The following ATXN7L1 variants were observed in gnomAD, a reference collection of about 807,000 sequenced individuals.
The protein encoded by ATXN7L1 is ataxin-7-like protein 1.
A neutral mutation model predicts 70.8 loss-of-function variants in ATXN7L1; 15 were observed. That is an observed-to-expected ratio of 0.21 (90% confidence interval 0.14 to 0.33). The LOEUF is 0.33. Ranked by LOEUF, ATXN7L1 falls within the 10% of genes least tolerant of loss-of-function variation. The pLI is 1.00. For synonymous variants in ATXN7L1, 440 were observed against 445.1 expected (o/e 0.99, Z 0.14); for missense variants, 975 against 1,097.1 (o/e 0.89, Z 1.57).
intron 3 of ATXN7L1, among the ~76,000 whole-genome samples, chr7:105,768,018 C>A (rs1801507414): frequency 2.0e-5 from 3 of 152,200 alleles, no homozygotes; most frequent in Admixed American, 6.5e-5. Context: ...TTTGAACATT[C>A]CATCGTGATG....
intron 2 of ATXN7L1, among the ~76,000 whole-genome samples, chr7:105,850,462 G>C (rs1012910490): frequency 1.3e-5 from 2 of 152,252 alleles, no homozygotes; most frequent in Admixed American, 1.3e-4. Context: ...TGAGCTAAAT[G>C]CTGTGTGTTC....
intron 6 of ATXN7L1, among the ~76,000 whole-genome samples, chr7:105,638,835 A>G (rs1797743554): frequency 6.6e-6 from 1 of 152,174 alleles, no homozygotes; most frequent in Non-Finnish European, 1.5e-5. Flanking sequence ...CCTCCAAAAA[A>G]TGGCATAGGA....
intron 3 of ATXN7L1, among the ~76,000 whole-genome samples, chr7:105,733,633 CCCATCCATCCAT>C (rs1253569733): frequency 2.6e-5 from 1 of 38,250 alleles, no homozygotes; most frequent in Non-Finnish European, 5.0e-5. Flanking sequence ...CATCCATCCA[CCCATCCATCCAT>C]CCATCCATCC....
intron 6 of ATXN7L1, 72 bp from the exon 7 acceptor site, chr7:105,638,681 T>G: frequency 6.9e-7 from 1 of 1,456,578 alleles, no homozygotes; most frequent in Non-Finnish European, 9.1e-7. Flanking sequence ...GGCCCTCCAT[T>G]TCAGAAATAG....
intron 2 of ATXN7L1, among the ~76,000 whole-genome samples, chr7:105,873,795 C>T (rs541250480): frequency 2.0e-5 from 3 of 152,284 alleles, no homozygotes; most frequent in African/African-American, 4.8e-5. Context: ...CCACCTGTGA[C>T]TTCTGAGGAA....
At position 105,665,241 on chromosome 7, in the gene ATXN7L1, G is replaced by C. The variant is rs1802439282; in HGVS notation, c.403C>G (p.Pro135Ala). ...MCRPSPSPVS[P>A]ASNPRTSLVQ... Reference sequence around the variant, plus strand: ...AGTGATGTCCTGGGATTGGAGGCTGGAGACACTGGAGAGGGAGAAGGTCTA... The same window carrying C: ...AGTGATGTCCTGGGATTGGAGGCTGCAGACACTGGAGAGGGAGAAGGTCTA... Residue 135 changes from proline (P) to alanine (A), a missense_variant, in exon 4 of 12, where the codon CCA (proline) becomes GCA (alanine). Around this residue, in one of 5 missense-constraint regions of ATXN7L1, gnomAD observed 192 missense variants for 215.5 expected, o/e 0.89. Coordinates refer to ENST00000419735, the MANE Select transcript of ATXN7L1 (RefSeq NM_020725.2). 1.3e-6 allele frequency: 2 copies of C among 1,551,544 alleles called. No homozygotes were observed. Among genetic ancestry groups the C allele is most frequent in the African/African-American group, 1.4e-5 (1 of 73,034 alleles).
chr7:105,858,391 T>C (rs1227801909), intron 2 of ATXN7L1, among the ~76,000 whole-genome samples: 1 of 152,164 alleles, frequency 6.6e-6, no homozygotes, highest in African/African-American at 2.4e-5. Context: ...TTGAAGAATG[T>C]CAACCAATAA....
At chr7:105,865,101 C>A (rs968933702) in intron 2 of ATXN7L1, among the ~76,000 whole-genome samples, 2 of 152,216 alleles carry the variant, frequency 1.3e-5, no homozygotes, top group African/African-American at 4.8e-5. Flanking sequence ...CTGGAAGTGG[C>A]AGCTCTTAAG....
chr7:105,708,514 C>A (rs559248480), intron 3 of ATXN7L1, among the ~76,000 whole-genome samples: 1 of 152,102 alleles, frequency 6.6e-6, no homozygotes, highest in African/African-American at 2.4e-5. Context: ...TAAATTGGAG[C>A]GCAACTTATT....
chr7:105,757,932 G>C (rs937268559), intron 3 of ATXN7L1, among the ~76,000 whole-genome samples: 1 of 152,008 alleles, frequency 6.6e-6, no homozygotes, highest in Non-Finnish European at 1.5e-5. Context: ...ACCCTGCCTG[G>C]GCCCTGGTAC....
intron 3 of ATXN7L1, among the ~76,000 whole-genome samples, chr7:105,784,978 A>T (rs1804082391): frequency 6.6e-6 from 1 of 152,188 alleles, no homozygotes; most frequent in South Asian, 2.1e-4. Flanking sequence ...TGCTTCCCAT[A>T]TATATTTATG....
chr7:105,803,455 G>A (rs561802509), intron 2 of ATXN7L1, among the ~76,000 whole-genome samples: 16 of 152,366 alleles, frequency 1.1e-4, no homozygotes, highest in Middle Eastern at 6.8e-3. Flanking sequence ...GTGAGAAGGT[G>A]GCAGGACTTG....
intron 3 of ATXN7L1, among the ~76,000 whole-genome samples, chr7:105,710,772 T>A (rs1048096224): frequency 6.6e-6 from 1 of 152,140 alleles, no homozygotes; most frequent in Non-Finnish European, 1.5e-5. Flanking sequence ...TTTTAAAGCA[T>A]CAGATCTTGT....
intron 3 of ATXN7L1, among the ~76,000 whole-genome samples, chr7:105,678,608 G>C (rs1805070032): frequency 6.6e-6 from 1 of 152,182 alleles, no homozygotes; most frequent in Admixed American, 6.5e-5. Context: ...AAACAACAAA[G>C]AAACACAATG....
chr7:105,714,592 G>A (rs1439624032), intron 3 of ATXN7L1, among the ~76,000 whole-genome samples: 1 of 152,212 alleles, frequency 6.6e-6, no homozygotes. Context: ...CTGAGGGACA[G>A]GGAGGTACTC....
chr7:105,835,786 A>G (rs1284560490), intron 2 of ATXN7L1, among the ~76,000 whole-genome samples: 1 of 152,228 alleles, frequency 6.6e-6, no homozygotes. Flanking sequence ...GAAAAACCCT[A>G]TTAACAGAAA....
chr7:105,835,353 C>T (rs1241684050), intron 2 of ATXN7L1, among the ~76,000 whole-genome samples: 1 of 151,640 alleles, frequency 6.6e-6, no homozygotes. Flanking sequence ...TGGATTCTAG[C>T]CATGTTGCCC....
intron 3 of ATXN7L1, among the ~76,000 whole-genome samples, chr7:105,718,625 G>A (rs1181912522): frequency 1.3e-5 from 2 of 152,300 alleles, no homozygotes; most frequent in Middle Eastern, 3.4e-3. Flanking sequence ...TGCAGTTGAC[G>A]GCAGGAGCAA....
At chr7:105,804,186 C>T (rs1807230112) in intron 2 of ATXN7L1, among the ~76,000 whole-genome samples, 1 of 152,184 alleles carries the variant, frequency 6.6e-6, no homozygotes, top group Admixed American at 6.5e-5. Flanking sequence ...AGGGTGTCTT[C>T]CCAGAAAAGC....
Sources: allele counts gnomAD v4.1 joint callset (sites outside exome capture counted in the v4.1 genomes callset), GRCh38; gene constraint gnomAD v4.1.1; regional missense constraint gnomAD v4.1.1; transcripts MANE v1.5; gene names NCBI Gene and HGNC (gene_info 2026-07-23, HGNC 2026-07-21).